Variants in GMPR observed in about 807,000 individuals in gnomAD.
GMPR encodes the protein guanosine monophosphate reductase.
A neutral mutation model predicts 38.4 loss-of-function variants in GMPR; 31 were observed. That is an observed-to-expected ratio of 0.81 (90% CI 0.61 to 1.09). The LOEUF (loss-of-function observed/expected upper bound fraction) is 1.09. GMPR is among the 50% of genes least tolerant of loss of function. GMPR has a pLI of 0.00. For missense variants in GMPR, 468 were observed against 453.7 expected (o/e 1.03, Z -0.29); for synonymous variants, 162 against 173.3 (o/e 0.93, Z 0.51).
intron 4 of GMPR, 55 bp downstream of exon 4, chr6:16,254,790 G>T: frequency 7.6e-7 from 1 of 1,322,884 alleles, no homozygotes; most frequent in Non-Finnish European, 1.1e-6. Context: ...AAGCCACGAG[G>T]GAGTTGTTCA....
chr6:16,253,624 G>A (rs1225016010), intron 3 of GMPR, among the ~76,000 whole-genome samples: 2 of 152,072 alleles, frequency 1.3e-5, no homozygotes, highest in Admixed American at 6.5e-5. Flanking sequence ...ACTGGGGGGG[G>A]GTCATATTTC....
intron 7 of GMPR, chr6:16,289,847 A>ATTTTTTTTTTTTTTTTTTTTTTTTTTTTT (rs1438743321): frequency 1.1e-5 from 1 of 90,124 alleles, no homozygotes; most frequent in African/African-American, 5.7e-5. Context: ...GATACTGCCC[A>ATTTTTTTTTTTTTTTTTTTTTTTTTTTTT]ATTTTTTTTT....
chr6:16,266,627 C>G (rs1053322973), intron 4 of GMPR, among the ~76,000 whole-genome samples: 1 of 151,426 alleles, frequency 6.6e-6, no homozygotes, highest in African/African-American at 2.4e-5. Flanking sequence ...ACGGTGAAAC[C>G]CCATCTCTAC....
chr6:16,291,263 G>A (rs1282061188), intron 8 of GMPR, among the ~76,000 whole-genome samples: 6 of 151,716 alleles, frequency 4.0e-5, no homozygotes, highest in East Asian at 1.9e-4. Context: ...GTGCTCTGTC[G>A]CCCAGGCTGG....
intron 3 of GMPR, 132 bp from the exon 4 acceptor site, chr6:16,254,430 G>T: frequency 2.9e-6 from 2 of 697,590 alleles, no homozygotes; most frequent in East Asian, 2.5e-5. Context: ...TTGAGCAGGT[G>T]CACTGTGCAT....
chr6:16,252,320 C>T (rs538715104), intron 3 of GMPR, among the ~76,000 whole-genome samples: 16 of 152,214 alleles, frequency 1.1e-4, no homozygotes, highest in African/African-American at 2.4e-4. Context: ...AGTGCAATGG[C>T]GTGATCTCTG....
chr6:16,283,268 A>G (rs1455547072), intron 6 of GMPR, among the ~76,000 whole-genome samples: 1 of 152,252 alleles, frequency 6.6e-6, no homozygotes, highest in Non-Finnish European at 1.5e-5. Flanking sequence ...TGCACAGAAC[A>G]AACAAATTAC....
In GMPR at chr6:16,246,949, C is replaced by T. The variant is rs1289144854; in HGVS notation, c.195C>T (p.Ala65=). The T allele has an allele frequency of 5.0e-6, 8 of 1,613,810 alleles. No homozygotes were observed. Among genetic ancestry groups the T allele is most frequent in the African/African-American group, 2.7e-5 (2 of 74,890 alleles). ...MDTVGTFEMA[A]VMSQHSMFTA... is the part of the protein sequence containing the mutation. ...CTGTGGGCACGTTTGAGATGGCAGC[C>T]GTGATGTCACAGGTGAGGCGGTAGG... Residue 65 remains alanine, a synonymous_variant, in exon 2 of 9, where the codon GCC becomes GCT. Coordinates refer to ENST00000259727, the MANE Select transcript of GMPR (RefSeq NM_006877.4).
chr6:16,290,849 G>C (rs1759828394), intron 8 of GMPR, among the ~76,000 whole-genome samples: 1 of 152,216 alleles, frequency 6.6e-6, no homozygotes, highest in South Asian at 2.1e-4. Flanking sequence ...GTGTGACCAG[G>C]GTTATATGTG....
At chr6:16,241,931 G>A (rs1210501294) in intron 1 of GMPR, among the ~76,000 whole-genome samples, 2 of 151,886 alleles carry the variant, frequency 1.3e-5, no homozygotes, top group Non-Finnish European at 2.9e-5. Flanking sequence ...TAGAGATGGG[G>A]TTTCACCGTG....
chr6:16,254,588 G>A lies in GMPR; in HGVS notation c.318G>A (p.Gly106=), dbSNP rs781464029. 15 of 1,613,946 alleles carry A rather than the reference G, an allele frequency of 9.3e-6. No individual in the cohort carries two copies. The highest frequency in any genetic ancestry group is 1.3e-5 in the Non-Finnish European group (15 of 1,179,882). ...ATGTAGCCGTGAGTTCAGGCAGTGG[G>A]CAGAATGATCTGGAAAAGATGACCA... The part of the protein sequence containing the change: ...LQNVAVSSGS[G]QNDLEKMTSI... Residue 106 remains glycine (G), a synonymous_variant, in exon 4 of 9, where the codon GGG becomes GGA. Transcript: ENST00000259727.
At chr6:16,255,160 C>T (rs1758950066) in intron 4 of GMPR, among the ~76,000 whole-genome samples, 1 of 151,948 alleles carries the variant, frequency 6.6e-6, no homozygotes. Context: ...TACAGGCGCC[C>T]ATCACCATGC....
At chr6:16,264,216 C>T (rs1285204392) in intron 4 of GMPR, 1 of 152,822 alleles carries the variant, frequency 6.5e-6, no homozygotes, top group African/African-American at 2.4e-5. Context: ...TTTATCTCTA[C>T]CAGAAAATGA....
chr6:16,244,742 T>C (rs757795198), intron 1 of GMPR, among the ~76,000 whole-genome samples: 1 of 152,316 alleles, frequency 6.6e-6, no homozygotes, highest in South Asian at 2.1e-4. Context: ...ATTTAAAATA[T>C]TTATCTCTGC....
At chr6:16,242,081 C>T (rs1006647505) in intron 1 of GMPR, among the ~76,000 whole-genome samples, 1 of 152,178 alleles carries the variant, frequency 6.6e-6, no homozygotes, top group African/African-American at 2.4e-5. Flanking sequence ...CCCTAAAAAA[C>T]TTATTAATAA....
chr6:16,281,702 G>T (rs926755913), intron 6 of GMPR, among the ~76,000 whole-genome samples: 5 of 151,818 alleles, frequency 3.3e-5, no homozygotes, highest in African/African-American at 1.2e-4. Context: ...TAGAGGCAGG[G>T]TTTCACCATG....
At chr6:16,242,044 G>T (rs1036634426) in intron 1 of GMPR, among the ~76,000 whole-genome samples, 1 of 152,032 alleles carries the variant, frequency 6.6e-6, no homozygotes, top group Admixed American at 6.6e-5. Context: ...CAGCTGATAA[G>T]AATTAAAACA....
chr6:16,290,452 T>C lies in GMPR; in HGVS notation c.698-10T>C, dbSNP rs200059432. ...TGCTACTCGCTTTCATCCCCACCGT[T>C]GGCATTTAGGAGCTGGAGCAGATTT... is the stretch of plus-strand genomic sequence containing the variant. On this transcript the variant is annotated splice_polypyrimidine_tract_variant and intron_variant, in intron 7 of 8. Transcript: ENST00000259727. 6.2e-7 allele frequency: 1 copy of C among 1,613,204 alleles called. No homozygotes were observed.
intron 6 of GMPR, among the ~76,000 whole-genome samples, chr6:16,285,291 A>G (rs1759658665): frequency 6.6e-6 from 1 of 152,206 alleles, no homozygotes; most frequent in Non-Finnish European, 1.5e-5. Flanking sequence ...AGGTACCTGG[A>G]AAGATAAAAG....
Sources: allele counts gnomAD v4.1 joint callset (sites outside exome capture counted in the v4.1 genomes callset), GRCh38; gene constraint gnomAD v4.1.1; transcripts MANE v1.5; gene names NCBI Gene and HGNC (gene_info 2026-07-23, HGNC 2026-07-21).